Variants in PSMD2 observed in about 807,000 individuals in gnomAD.
PSMD2 encodes the protein 26S proteasome non-ATPase regulatory subunit 2.
A neutral mutation model predicts 101.5 loss-of-function variants in PSMD2; 8 were observed. That is an observed-to-expected ratio of 0.08 (90% CI 0.05 to 0.14). The LOEUF (loss-of-function observed/expected upper bound fraction) is 0.14. PSMD2 is among the 10% of genes least tolerant of loss of function. PSMD2 has a pLI of 1.00. For missense variants in PSMD2, 784 were observed against 1,147.4 expected (o/e 0.68, Z 4.58); for synonymous variants, 418 against 433.8 (o/e 0.96, Z 0.45).
In PSMD2 at chr3:184,299,860, G is replaced by A; in HGVS notation, c.145G>A (p.Asp49Asn). Residue 49 changes from aspartate to asparagine, a missense_variant, in exon 2 of 21, where the codon GAT becomes AAT. Transcript: ENST00000310118. ...TCTCCCAACCCTCCAGTCTGAAGAG[G>A]ATAAACAGCTTCAAGATGAACTGGA... ...KDKEQELSEE[D>N]KQLQDELEML... is the part of the protein sequence containing the mutation. The A allele has an allele frequency of 6.2e-7, 1 of 1,613,856 alleles. No individual in the cohort carries two copies. The highest frequency in any genetic ancestry group is 8.5e-7 in the Non-Finnish European group (1 of 1,179,738).
In PSMD2 at chr3:184,301,988, G is replaced by C. The variant is rs939278912; in HGVS notation, c.621G>C (p.Leu207=). The change falls in exon 5 of 21, where the codon CTG becomes CTC. Residue 207 remains leucine, a synonymous_variant. Transcript: ENST00000310118. ...AHNAEHEACD[L]LMEIEQVDML... is the part of the protein sequence containing the mutation. ...ATGCAGAGCATGAGGCTTGCGACCT[G>C]CTTATGGAAATTGAGCAGGTGGACA... is the stretch of plus-strand genomic sequence containing the variant. The C allele has an allele frequency of 8.1e-6, 13 of 1,614,210 alleles. No individual in the cohort carries two copies. Among genetic ancestry groups the C allele is most frequent in the Non-Finnish European group, 1.1e-5 (13 of 1,180,038 alleles).
Position 184,304,496 on chromosome 3 carries a change from A to ACATGTACACACCAACAGG in PSMD2, c.1539+113_1539+114insCACCAACAGGCATGTACA. The ACATGTACACACCAACAGG allele has an allele frequency of 2.6e-6, 3 of 1,145,514 alleles. No homozygotes were observed. Among genetic ancestry groups the ACATGTACACACCAACAGG allele is most frequent in the Non-Finnish European group, 3.9e-6 (3 of 764,294 alleles). The allele number at this position is 1,145,514 out of a possible 1,614,324, so 71.0% of individuals were successfully genotyped here. On this transcript the variant is annotated intron_variant, in intron 12 of 20. Coordinates refer to ENST00000310118, the MANE Select transcript of PSMD2 (RefSeq NM_002808.5). This position sits in a 1 kb window ranked among gnomAD's most constrained non-coding sequence, Gnocchi z 4.1. ...GAAGTAAGTGTGTGCATGTGTGCAT[A>ACATGTACACACCAACAGG]CATGTACATGCCTGTTGGTGTGTAT...
At position 184,308,913 on chromosome 3, in the gene PSMD2, T is replaced by A. The variant is rs1385811228; in HGVS notation, c.*23T>A. The A allele has an allele frequency of 6.3e-7, 1 of 1,599,148 alleles. No homozygotes were observed. Among genetic ancestry groups the A allele is most frequent in the Non-Finnish European group, 8.5e-7 (1 of 1,170,990 alleles). The stretch of plus-strand genomic sequence containing the variant: ...TAAGTGACCACCAGGGGCTCTGAAC[T>A]GCAGCTGATGTTATCAGCAGGCCAT... On this transcript the variant is annotated 3_prime_UTR_variant, in exon 21 of 21. Transcript: ENST00000310118. The surrounding 1 kb of genome is among the most constrained non-coding windows in gnomAD (Gnocchi z 6.0).
Position 184,301,855 on chromosome 3 carries a change from C to A in PSMD2, c.488C>A (p.Ala163Glu). The A allele has an allele frequency of 6.2e-7, 1 of 1,614,180 alleles. No homozygotes were observed. The highest frequency in any genetic ancestry group is 8.5e-7 in the Non-Finnish European group (1 of 1,180,050). ...TCTGGGACTATCTGTAGGCATCTGG[C>A]AGGAGAAGTGGCTAAGGAGTGGCAG... The part of the protein sequence containing the change: ...SWGHEYVRHL[A>E]GEVAKEWQEL... The change falls in exon 5 of 21, where the codon GCA becomes GAA. Residue 163 changes from alanine (A) to glutamate (E), a missense_variant. Ala to Glu is a moderately radical substitution (Grantham distance 107). This residue lies in a region of PSMD2 where 208 missense variants were observed against 301.6 expected (regional missense o/e 0.69). Transcript: ENST00000310118.
rs757366967 is a variant in PSMD2, at chr3:184,305,749, C to T, written c.1540-19C>T. ...TTTTAATAACTTACTCTGTGTAATA[C>T]TGATTTTCCTACCTCTAGGTGGCAG... On this transcript the variant is annotated intron_variant, in intron 12 of 20. Coordinates refer to ENST00000310118, the MANE Select transcript of PSMD2 (RefSeq NM_002808.5). 1 of 1,609,616 alleles carries T rather than the reference C, an allele frequency of 6.2e-7. No individual in the cohort carries two copies. Among genetic ancestry groups the T allele is most frequent in the Non-Finnish European group, 8.5e-7 (1 of 1,177,434 alleles).
At position 184,307,522 on chromosome 3, in the gene PSMD2, A is replaced by G; in HGVS notation, c.2200A>G (p.Ser734Gly). 6.2e-7 allele frequency: 1 copy of G among 1,614,200 alleles called. No homozygotes were observed. The highest frequency in any genetic ancestry group is 8.5e-7 in the Non-Finnish European group (1 of 1,180,022). ...NSIFAMGMVG[S>G]GTNNARLAAM... ...CATTTTTGCCATGGGCATGGTGGGC[A>G]GTGGTGAGTATCCGGCAGAAGAAGG... is the stretch of plus-strand genomic sequence containing the variant. The change falls in exon 17 of 21, where the codon AGT (serine) becomes GGT (glycine). Residue 734 changes from serine (S) to glycine (G), a missense_variant. Transcript: ENST00000310118.
At chr3:184,302,900 G>A in intron 7 of PSMD2, 77 bp downstream of exon 7, 1 of 1,610,868 alleles carries the variant, frequency 6.2e-7, no homozygotes, top group Non-Finnish European at 8.5e-7. Flanking sequence ...CTCTACCTCT[G>A]ACTAGACTCT....
At chr3:184,303,181 T>G (rs1721706302) in intron 8 of PSMD2, 119 bp downstream of exon 8, 1 of 1,502,362 alleles carries the variant, frequency 6.7e-7, no homozygotes, top group African/African-American at 1.4e-5. Flanking sequence ...TGAATCTTTT[T>G]CAGGTCACTG....
In PSMD2 at chr3:184,301,487, C is replaced by G. The variant is rs375122737; in HGVS notation, c.358-50C>G. The stretch of plus-strand genomic sequence containing the variant: ...ATCTTGATTCCACAATGCATGCTCC[C>G]TTTATGCTGGACTGCTGGGTTTGAC... On this transcript the variant is annotated intron_variant, in intron 3 of 20. Coordinates refer to ENST00000310118, the MANE Select transcript of PSMD2 (RefSeq NM_002808.5). 3.0e-5 allele frequency: 49 copies of G among 1,607,634 alleles called. No homozygotes were observed. The African/African-American group carries it at 4.8e-4, about 16-fold the overall frequency.
chr3:184,307,319 G>T, intron 16 of PSMD2, 38 bp from the exon 17 acceptor site: 1 of 1,606,680 alleles, frequency 6.2e-7, no homozygotes, highest in Non-Finnish European at 8.5e-7. Flanking sequence ...TGTTTTTACT[G>T]CATTCCGCCT....
Position 184,306,039 on chromosome 3 carries a change from G to T in PSMD2, c.1703-15G>T. 1 of 1,614,174 alleles carries T rather than the reference G, an allele frequency of 6.2e-7. No individual in the cohort carries two copies. Among genetic ancestry groups the T allele is most frequent in the Non-Finnish European group, 8.5e-7 (1 of 1,180,002 alleles). On this transcript the variant is annotated splice_polypyrimidine_tract_variant and intron_variant, in intron 13 of 20. Coordinates refer to ENST00000310118, the MANE Select transcript of PSMD2 (RefSeq NM_002808.5). ...GGAGGCAAGTATCCTCTGACCCCTT[G>T]AATCTGTCCTGTAGGGAAGGGTGAG...
At chr3:184,302,176 C>A in intron 5 of PSMD2, 105 bp downstream of exon 5, 1 of 1,303,628 alleles carries the variant, frequency 7.7e-7, no homozygotes, top group Non-Finnish European at 1.1e-6. Flanking sequence ...AGCATAGCAT[C>A]ACGCTGTAGT....
chr3:184,299,449 C>T, intron 1 of PSMD2, 48 bp downstream of exon 1: 1 of 1,312,642 alleles, frequency 7.6e-7, no homozygotes, highest in Non-Finnish European at 9.7e-7. Flanking sequence ...GGGGCTGAGT[C>T]ACGGCGGCTC....
Position 184,299,270 on chromosome 3 carries a change from G to C in PSMD2, c.4G>C (p.Glu2Gln). 7.4e-7 allele frequency: 1 copy of C among 1,352,808 alleles called. No individual in the cohort carries two copies. The highest frequency in any genetic ancestry group is 9.5e-7 in the Non-Finnish European group (1 of 1,053,354). 83.8% of individuals were successfully genotyped at this position (1,352,808 alleles called of 1,614,324 possible). A position where few individuals can be genotyped will look rare whatever the true frequency, so the allele number is the denominator to read the frequency against. Residue 2 changes from glutamate (E) to glutamine (Q), a missense_variant, in exon 1 of 21, where the codon GAG becomes CAG. Glu to Gln is a conservative substitution (Grantham distance 29). Coordinates refer to ENST00000310118, the MANE Select transcript of PSMD2 (RefSeq NM_002808.5). Reference sequence around the variant, plus strand: ...CGGGCCGGCAGTGGCGGCGGAGATGGAGGAGGGAGGCCGGGACAAGGCGCC... The same window carrying C: ...CGGGCCGGCAGTGGCGGCGGAGATGCAGGAGGGAGGCCGGGACAAGGCGCC... M[E>Q]EGGRDKAPVQ...
chr3:184,303,985 G>C lies in PSMD2; in HGVS notation c.1362G>C (p.Gly454=). The change falls in exon 11 of 21, where the codon GGG becomes GGC. Residue 454 remains glycine, a synonymous_variant. Coordinates refer to ENST00000310118, the MANE Select transcript of PSMD2 (RefSeq NM_002808.5). ...ALLACGIVNS[G]VRNECDPALA... ...TTGCCTGTGGCATAGTGAACTCTGGGGTCCGGAATGAGTGTGACCCTGCTC... is the reference window on the plus strand; with the variant it reads ...TTGCCTGTGGCATAGTGAACTCTGGCGTCCGGAATGAGTGTGACCCTGCTC... 1 of 1,614,096 alleles carries C rather than the reference G, an allele frequency of 6.2e-7. No individual in the cohort carries two copies. Among genetic ancestry groups the C allele is most frequent in the East Asian group, 2.2e-5 (1 of 44,902 alleles).
Position 184,306,458 on chromosome 3 carries a change from A to G in PSMD2, c.1913A>G (p.Asp638Gly). Residue 638 changes from aspartate to glycine, a missense_variant, in exon 15 of 21, where the codon GAC (aspartate) becomes GGC (glycine). Transcript: ENST00000310118. ...DKDKKEKKDK[D>G]KKEAPADMGA... ...GACAAGAAGGAAAAGAAAGACAAGG[A>G]CAAGAAGGAAGCCCCTGCTGACATG... 1 of 1,614,210 alleles carries G rather than the reference A, an allele frequency of 6.2e-7. No homozygotes were observed. Among genetic ancestry groups the G allele is most frequent in the Non-Finnish European group, 8.5e-7 (1 of 1,180,034 alleles).
chr3:184,305,958 G>T (rs771850807), intron 13 of PSMD2, 28 bp downstream of exon 13: 16 of 1,613,920 alleles, frequency 9.9e-6, no homozygotes, highest in Non-Finnish European at 1.4e-5. Context: ...TTTGGGCAAA[G>T]AGCTGACAGT....
intron 3 of PSMD2, chr3:184,300,787 A>G (rs2108440480): frequency 2.1e-6 from 1 of 465,436 alleles, no homozygotes; most frequent in Non-Finnish European, 2.9e-6. Flanking sequence ...TGCTGGTACA[A>G]CCCTAATCCT....
rs1301153787 is a variant in PSMD2 at position 184,305,941 on chromosome 3, G to T, written c.1702+11G>T. 4 of 1,613,874 alleles carry T rather than the reference G, an allele frequency of 2.5e-6. No individual in the cohort carries two copies. The highest frequency in any genetic ancestry group is 2.5e-6 in the Non-Finnish European group (3 of 1,179,904). On this transcript the variant is annotated intron_variant, in intron 13 of 20. Transcript: ENST00000310118. Reference sequence around the variant, plus strand: ...GTCTCAACCACCTGGGTGAGGGGATGTTTCTATTTGGGCAAAGAGCTGACA... The same window carrying T: ...GTCTCAACCACCTGGGTGAGGGGATTTTTCTATTTGGGCAAAGAGCTGACA...
Sources: allele counts gnomAD v4.1 joint callset, GRCh38; gene constraint gnomAD v4.1.1; regional missense constraint gnomAD v4.1.1; non-coding constraint Gnocchi (gnomAD v3.1); transcripts MANE v1.5; gene names NCBI Gene and HGNC (gene_info 2026-07-23, HGNC 2026-07-21).